The following GPATCH2 variants were observed in gnomAD, a reference collection of about 807,000 sequenced individuals.
GPATCH2 encodes G patch domain-containing protein 2.
GPATCH2 carries 51 observed loss-of-function variants against 58.0 expected under a neutral mutation model. That is an observed-to-expected ratio of 0.88 (90% CI 0.70 to 1.11). The LOEUF is 1.11. GPATCH2 is among the 50% of genes most tolerant of loss of function. GPATCH2 has a pLI of 0.00. For missense variants in GPATCH2, 625 were observed against 652.2 expected, an observed-to-expected ratio of 0.96 and a Z score of 0.45; for synonymous variants, 222 against 218.5, an observed-to-expected ratio of 1.02 and a Z score of -0.14.
At chr1:217,489,100 CTTTT>C in intron 8 of GPATCH2, among the ~76,000 whole-genome samples, 2 of 139,664 alleles carry the variant, frequency 1.4e-5, no homozygotes, top group African/African-American at 5.2e-5. Context: ...TTTCTCTTCA[CTTTT>C]TTTTTTTTTT....
At chr1:217,575,393 G>T (rs1666759385) in intron 5 of GPATCH2, among the ~76,000 whole-genome samples, 2 of 152,050 alleles carry the variant, frequency 1.3e-5, no homozygotes, top group South Asian at 4.2e-4. Flanking sequence ...AATCATCTAG[G>T]TTTATGTCAA....
At chr1:217,593,029 T>C (rs960342905) in intron 5 of GPATCH2, among the ~76,000 whole-genome samples, 5 of 152,006 alleles carry the variant, frequency 3.3e-5, no homozygotes, top group African/African-American at 1.2e-4. Context: ...AGAAGTTTCA[T>C]TGAAAAGTCT....
intron 5 of GPATCH2, among the ~76,000 whole-genome samples, chr1:217,606,504 T>A (rs1395959776): frequency 1.3e-5 from 2 of 152,112 alleles, no homozygotes; most frequent in African/African-American, 4.8e-5. Flanking sequence ...ACGCCTGTAA[T>A]CCCAACACTC....
At chr1:217,494,590 T>C (rs1661915202) in intron 7 of GPATCH2, among the ~76,000 whole-genome samples, 1 of 151,922 alleles carries the variant, frequency 6.6e-6, no homozygotes, top group African/African-American at 2.4e-5. Flanking sequence ...AATAGAAAAA[T>C]TAGCCGGGCA....
chr1:217,432,192 T>G (rs1358164669), intron 9 of GPATCH2, among the ~76,000 whole-genome samples: 1 of 152,046 alleles, frequency 6.6e-6, no homozygotes, highest in African/African-American at 2.4e-5. Flanking sequence ...ATTCCTTATT[T>G]GAAAAAGGAG....
intron 5 of GPATCH2, among the ~76,000 whole-genome samples, chr1:217,547,752 G>A (rs1665137335): frequency 6.6e-6 from 1 of 152,174 alleles, no homozygotes; most frequent in Non-Finnish European, 1.5e-5. Flanking sequence ...ATTGTCCTTA[G>A]CAAACTAACT....
chr1:217,606,892 CTGGGCCCATTATGCA>C (rs993203817), intron 5 of GPATCH2, among the ~76,000 whole-genome samples: 3 of 152,204 alleles, frequency 2.0e-5, no homozygotes, highest in African/African-American at 7.2e-5. Context: ...AGAGATGGTG[CTGGGCCCATTATGCA>C]TACACAATCT....
chr1:217,599,349 G>A (rs1225761285), intron 5 of GPATCH2, among the ~76,000 whole-genome samples: 2 of 152,112 alleles, frequency 1.3e-5, no homozygotes, highest in African/African-American at 2.4e-5. Context: ...GACAGACCAG[G>A]GAGGAGGCTA....
rs1307081273 is a variant in GPATCH2 at position 217,431,263 on chromosome 1, C to T, written c.1469G>A (p.Gly490Asp). 1.9e-6 allele frequency: 3 copies of T among 1,602,956 alleles called. No homozygotes were observed. In the Admixed American group the frequency reaches 5.0e-5, roughly 27 times the overall value. Reference protein sequence around the residue: ...WTPGSGLGRDGKGISEPIQAM... With the variant: ...WTPGSGLGRDDKGISEPIQAM... ...TTGAATTGGCTCAGAGATCCCCTTG[C>T]CATCTCGTCCAAGGCCTGACCCAGG... The change falls in exon 10 of 10, where the codon GGC becomes GAC. Residue 490 changes from glycine (G) to aspartate (D), a missense_variant. Gly to Asp is a moderately conservative substitution (Grantham distance 94). Transcript: ENST00000366935.
At chr1:217,530,246 C>T (rs1267488110) in intron 5 of GPATCH2, among the ~76,000 whole-genome samples, 1 of 152,172 alleles carries the variant, frequency 6.6e-6, no homozygotes, top group Non-Finnish European at 1.5e-5. Flanking sequence ...GAGATGAAAA[C>T]TGGGCTATGG....
At chr1:217,630,458 T>C (rs947417116) in intron 1 of GPATCH2, among the ~76,000 whole-genome samples, 3 of 152,104 alleles carry the variant, frequency 2.0e-5, no homozygotes, top group Non-Finnish European at 4.4e-5. Flanking sequence ...ACCCTCTCTC[T>C]TTAAAAAAGG....
At chr1:217,465,305 C>T (rs925109916) in intron 8 of GPATCH2, among the ~76,000 whole-genome samples, 10 of 151,950 alleles carry the variant, frequency 6.6e-5, no homozygotes, top group South Asian at 2.1e-4. Context: ...GTGATAGCTA[C>T]GGAAGATAGG....
intron 8 of GPATCH2, among the ~76,000 whole-genome samples, chr1:217,488,128 T>C (rs539886608): frequency 6.6e-6 from 1 of 152,328 alleles, no homozygotes; most frequent in Non-Finnish European, 1.5e-5. Context: ...TTATGATCCA[T>C]ATTCACTGAA....
At chr1:217,447,858 G>A (rs1032112069) in intron 9 of GPATCH2, among the ~76,000 whole-genome samples, 12 of 152,192 alleles carry the variant, frequency 7.9e-5, no homozygotes, top group Non-Finnish European at 1.3e-4. Context: ...AGCACTCTGT[G>A]AGGCCGAGGT....
At chr1:217,487,246 G>T (rs1661495998) in intron 8 of GPATCH2, among the ~76,000 whole-genome samples, 1 of 152,076 alleles carries the variant, frequency 6.6e-6, no homozygotes, top group Admixed American at 6.6e-5. Context: ...GATCTTCAGG[G>T]AGGTGGCAGT....
chr1:217,550,117 A>G (rs1256523705), intron 5 of GPATCH2, among the ~76,000 whole-genome samples: 1 of 152,048 alleles, frequency 6.6e-6, no homozygotes, highest in Non-Finnish European at 1.5e-5. Context: ...AGGCAGCATG[A>G]TTTAGTGATG....
chr1:217,448,234 T>C (rs1659483707), intron 9 of GPATCH2, among the ~76,000 whole-genome samples: 1 of 152,206 alleles, frequency 6.6e-6, no homozygotes, highest in Non-Finnish European at 1.5e-5. Flanking sequence ...ACTCTCCTGT[T>C]GATAGGAATC....
intron 5 of GPATCH2, among the ~76,000 whole-genome samples, chr1:217,541,865 G>C (rs1382670445): frequency 6.6e-6 from 1 of 152,138 alleles, no homozygotes; most frequent in East Asian, 1.9e-4. Flanking sequence ...TGGAAGCTGA[G>C]AACACCCAAA....
At chr1:217,431,550 T>C (rs1300982330) in intron 9 of GPATCH2, among the ~76,000 whole-genome samples, 185 bp from the exon 10 acceptor site, 2 of 152,218 alleles carry the variant, frequency 1.3e-5, no homozygotes, top group Non-Finnish European at 2.9e-5. Flanking sequence ...AGATCTTGTT[T>C]AGAATTTCAA....
Sources: gnomAD v4.1 joint callset for allele counts (sites outside exome capture counted in the v4.1 genomes callset) on GRCh38, gnomAD v4.1.1 for gene constraint, MANE v1.5 for transcripts, NCBI Gene and HGNC (gene_info 2026-07-23, HGNC 2026-07-21) for gene names.